AKAP13: variants seen among roughly 807,000 people sequenced by gnomAD.
AKAP13 encodes A-kinase anchor protein 13.
AKAP13 carries 80 observed loss-of-function variants against 264.5 expected under a neutral mutation model. The ratio of observed to expected loss-of-function variants is 0.30; its 90% CI spans 0.25 to 0.36. AKAP13 has a LOEUF of 0.36. Ranked by LOEUF, AKAP13 falls within the 10% of genes least tolerant of loss-of-function variation. The probability of loss-of-function intolerance (pLI) is 1.00; values close to 1 mark genes in which losing one functional copy is unlikely to be tolerated. For missense variants in AKAP13, 3,712 were observed against 3,435.2 expected (o/e 1.08, Z -2.01); for synonymous variants, 1,380 against 1,250.2 (o/e 1.10, Z -2.19).
Position 85,395,107 on chromosome 15 carries a change from G to A in AKAP13, c.-12+14309G>A, listed in dbSNP as rs147714506. Among the ~76,000 whole-genome samples the A allele has an allele frequency of 9.6e-4, 146 of 152,282 alleles. 1 individual carries two copies. Among genetic ancestry groups the A allele is most frequent in the African/African-American group, 3.3e-3 (138 of 41,550 alleles). On this transcript the variant is annotated intron_variant, in intron 1 of 36. Coordinates refer to ENST00000394518, the MANE Select transcript of AKAP13 (RefSeq NM_007200.5). ...TTATAGCCCATTGTTCAGAGGAACC[G>A]TTCATTGTTCAGAAGAATCTTTGTG...
At chr15:85,631,502 T>TCTCTCACACA (rs1372440393) in intron 8 of AKAP13, among the ~76,000 whole-genome samples, 35 of 141,046 alleles carry the variant, frequency 2.5e-4, no homozygotes, top group African/African-American at 9.4e-4. Flanking sequence ...TCTCTCTCTC[T>TCTCTCACACA]CACACACACA....
intron 8 of AKAP13, among the ~76,000 whole-genome samples, chr15:85,609,428 T>G (rs994386067): frequency 1.3e-5 from 2 of 152,256 alleles, no homozygotes; most frequent in Non-Finnish European, 2.9e-5. Context: ...CTCATCCATC[T>G]TGCCATAAAT....
At position 85,669,763 on chromosome 15, in the gene AKAP13, A is replaced by G. The variant is rs368739273; in HGVS notation, c.5034A>G (p.Thr1678=). The G allele has an allele frequency of 1.9e-6, 3 of 1,613,664 alleles. No individual in the cohort carries two copies. Among genetic ancestry groups the G allele is most frequent in the East Asian group, 4.5e-5 (2 of 44,856 alleles). ...AGCAGCAGGGATTTAATTACTGTAC[A>G]TCAGCCATTTCCTCTCCATTGACAA... ...RSKQQGFNYC[T]SAISSPLTKS... is the part of the protein sequence containing the mutation. Residue 1678 remains threonine (T), a synonymous_variant, in exon 14 of 37, where the codon ACA becomes ACG. Coordinates refer to ENST00000394518, the MANE Select transcript of AKAP13 (RefSeq NM_007200.5).
intron 8 of AKAP13, among the ~76,000 whole-genome samples, chr15:85,593,937 G>T (rs1434501022): frequency 6.6e-6 from 1 of 152,150 alleles, no homozygotes; most frequent in Non-Finnish European, 1.5e-5. Context: ...TTTAGAGGCT[G>T]TTTCCTCATT....
intron 8 of AKAP13, among the ~76,000 whole-genome samples, chr15:85,592,116 T>A (rs2079609578): frequency 6.6e-6 from 1 of 151,856 alleles, no homozygotes; most frequent in South Asian, 2.1e-4. Context: ...CATTCTTAGT[T>A]ATTTTTACAA....
rs770342099 is a variant in AKAP13, at chr15:85,579,523, G to A, written c.1455G>A (p.Gly485=). 1 of 1,614,164 alleles carries A rather than the reference G, an allele frequency of 6.2e-7. No homozygotes were observed. The stretch of plus-strand genomic sequence containing the variant: ...ACACTGCAGGGGAAATGGAACATGG[G>A]CTCATGAACCCAGATGCCACTGTTT... ...TPDTAGEMEH[G]LMNPDATVWK... Residue 485 remains glycine (G), a synonymous_variant, in exon 7 of 37, where the codon GGG becomes GGA. Transcript: ENST00000394518.
intron 1 of AKAP13, among the ~76,000 whole-genome samples, chr15:85,410,873 T>C (rs1462244932): frequency 6.6e-6 from 1 of 151,724 alleles, no homozygotes; most frequent in African/African-American, 2.4e-5. Context: ...GGCTCTGTAT[T>C]GTGTTAGCTT....
intron 29 of AKAP13, among the ~76,000 whole-genome samples, chr15:85,729,163 G>A (rs2087806877): frequency 6.6e-6 from 1 of 152,106 alleles, no homozygotes; most frequent in Non-Finnish European, 1.5e-5. Context: ...GCTGGGCGTG[G>A]TGGCACGTGC....
intron 1 of AKAP13, among the ~76,000 whole-genome samples, chr15:85,445,945 A>G (rs998088322): frequency 3.9e-5 from 6 of 152,220 alleles, no homozygotes; most frequent in African/African-American, 1.2e-4. Context: ...CATCACCTCA[A>G]GCATTTAACA....
intron 1 of AKAP13, among the ~76,000 whole-genome samples, chr15:85,450,524 T>C (rs2074050796): frequency 6.6e-6 from 1 of 152,218 alleles, no homozygotes; most frequent in Non-Finnish European, 1.5e-5. Flanking sequence ...AACACCACCT[T>C]AGCTGTGTCC....
At chr15:85,641,038 G>A (rs1475939882) in intron 9 of AKAP13, among the ~76,000 whole-genome samples, 2 of 152,142 alleles carry the variant, frequency 1.3e-5, no homozygotes, top group Admixed American at 1.3e-4. Context: ...TCAGACCTGA[G>A]ATTTTGATTT....
intron 13 of AKAP13, among the ~76,000 whole-genome samples, chr15:85,665,435 G>A (rs940178841): frequency 4.6e-5 from 7 of 152,024 alleles, no homozygotes; most frequent in Non-Finnish European, 1.0e-4. Flanking sequence ...TCCTTTGTAG[G>A]AAAAAAATTA....
At position 85,639,231 on chromosome 15, in the gene AKAP13, A is replaced by T. The variant is rs573349508; in HGVS notation, c.4162-143A>T. 212 of 572,522 alleles carry T rather than the reference A, an allele frequency of 3.7e-4. 1 individual carries two copies. The highest frequency in any genetic ancestry group is 1.2e-3 in the African/African-American group (64 of 53,178). 35.5% of individuals were successfully genotyped at this position (572,522 alleles called of 1,614,324 possible). A position where few individuals can be genotyped will look rare whatever the true frequency, so the allele number is the denominator to read the frequency against. ...GCTGTGGTAATATTGTGAAAAAAAA[A>T]TTTTTTTCCCTTGACATAAGTTTGC... On this transcript the variant is annotated intron_variant, in intron 8 of 36. Coordinates refer to ENST00000394518, the MANE Select transcript of AKAP13 (RefSeq NM_007200.5).
intron 1 of AKAP13, among the ~76,000 whole-genome samples, chr15:85,462,751 G>A (rs967693432): frequency 6.6e-6 from 1 of 152,148 alleles, no homozygotes; most frequent in Non-Finnish European, 1.5e-5. Flanking sequence ...TTGGCCGGGC[G>A]TGGTGGCTCA....
intron 2 of AKAP13, 98 bp from the exon 3 acceptor site, chr15:85,521,330 G>T (rs2076817353): frequency 2.1e-6 from 3 of 1,429,158 alleles, no homozygotes; most frequent in South Asian, 2.6e-5. Flanking sequence ...TGGTTTAGAT[G>T]ATAAATTTGA....
At chr15:85,572,698 C>T (rs1022309687) in intron 5 of AKAP13, among the ~76,000 whole-genome samples, 4 of 151,940 alleles carry the variant, frequency 2.6e-5, no homozygotes, top group African/African-American at 9.7e-5. Context: ...ACTGTAAGTT[C>T]TGGGATGCAT....
chr15:85,467,410 G>A (rs927028187), intron 1 of AKAP13, among the ~76,000 whole-genome samples: 1 of 151,692 alleles, frequency 6.6e-6, no homozygotes, highest in Non-Finnish European at 1.5e-5. Context: ...GTTCCTACTG[G>A]GCCACCATTA....
chr15:85,617,730 CTAGCTTGGTGAAAGCTTTTA>C (rs952814658), intron 8 of AKAP13, among the ~76,000 whole-genome samples: 1 of 152,174 alleles, frequency 6.6e-6, no homozygotes, highest in African/African-American at 2.4e-5. Flanking sequence ...GTTCTACATT[CTAGCTTGGTGAAAGCTTTTA>C]CAGAAAAGAT....
At chr15:85,613,691 AATATAT>A (rs751538813) in intron 8 of AKAP13, among the ~76,000 whole-genome samples, 3 of 91,968 alleles carry the variant, frequency 3.3e-5, no homozygotes, top group East Asian at 3.3e-4. Context: ...AAAAAAAAAA[AATATAT>A]ATATATATAT....
Sources: gnomAD v4.1 joint callset for allele counts (sites outside exome capture counted in the v4.1 genomes callset) on GRCh38, gnomAD v4.1.1 for gene constraint, MANE v1.5 for transcripts, NCBI Gene and HGNC (gene_info 2026-07-23, HGNC 2026-07-21) for gene names.